The following COL4A4 variants were observed in gnomAD, a reference collection of about 807,000 sequenced individuals.
COL4A4 encodes collagen type IV alpha 4 chain.
COL4A4 carries 105 observed loss-of-function variants against 192.9 expected under a neutral mutation model. The observed-to-expected ratio is 0.54, with a 90% CI of 0.46 to 0.64. The LOEUF is 0.64. Ranked by LOEUF, COL4A4 falls within the 30% of genes least tolerant of loss-of-function variation. COL4A4 has a pLI of 0.00. For synonymous variants in COL4A4, 762 were observed against 769.9 expected (o/e 0.99, Z 0.17); for missense variants, 1,967 against 2,169.3 (o/e 0.91, Z 1.85).
At position 227,027,935 on chromosome 2, in the gene COL4A4, G is replaced by A. The variant is rs1010057124; in HGVS notation, c.4048C>T (p.Pro1350Ser). Reference sequence around the variant, plus strand: ...CCAGTGGGCCCTTTTCTCCCTGGAGGTCCAGGTAAACCCTTCTCTCCAGGT... The same window carrying A: ...CCAGTGGGCCCTTTTCTCCCTGGAGATCCAGGTAAACCCTTCTCTCCAGGT... ...GPPGEKGLPGPPGRKGPTGLP... is the reference protein window; with the variant it reads ...GPPGEKGLPGSPGRKGPTGLP... Residue 1350 changes from proline to serine, a missense_variant, in exon 42 of 48, where the codon CCT (proline) becomes TCT (serine). Pro to Ser is a moderately conservative substitution (Grantham distance 74, BLOSUM62 -1). Coordinates refer to ENST00000396625, the MANE Select transcript of COL4A4 (RefSeq NM_000092.5). 1 of 1,613,800 alleles carries A rather than the reference G, an allele frequency of 6.2e-7. No individual in the cohort carries two copies. The highest frequency in any genetic ancestry group is 1.7e-5 in the Admixed American group (1 of 59,990).
At chr2:227,044,637 C>G (rs954122156) in intron 35 of COL4A4, among the ~76,000 whole-genome samples, 5 of 152,062 alleles carry the variant, frequency 3.3e-5, no homozygotes, top group African/African-American at 4.8e-5. Flanking sequence ...AACTTGTCTC[C>G]TGAATTTTGT....
intron 23 of COL4A4, 25 bp from the exon 24 acceptor site, chr2:227,080,574 T>A: frequency 4.4e-6 from 7 of 1,590,510 alleles, no homozygotes; most frequent in Non-Finnish European, 6.0e-6. Context: ...CAAAAGATAT[T>A]CAAGCTCTTA....
the COL4A4 span, among the ~76,000 whole-genome samples, chr2:226,986,441 A>C: frequency 1.3e-5 from 2 of 152,208 alleles, no homozygotes; most frequent in East Asian, 3.8e-4. Context: ...CTTTTACGTA[A>C]ATTTAAAATT....
intron 31 of COL4A4, among the ~76,000 whole-genome samples, chr2:227,052,816 A>G (rs548556552): frequency 6.6e-6 from 1 of 152,242 alleles, no homozygotes; most frequent in South Asian, 2.1e-4. Context: ...TACTTTCCTT[A>G]TATTAAAAGA....
intron 1 of COL4A4, among the ~76,000 whole-genome samples, chr2:227,163,087 T>C (rs1184451046): frequency 1.3e-5 from 2 of 152,264 alleles, no homozygotes; most frequent in Non-Finnish European, 1.5e-5. Context: ...TCAGCAACAC[T>C]GTTCCAAAGC....
intron 29 of COL4A4, among the ~76,000 whole-genome samples, chr2:227,056,857 A>G (rs7577005): frequency 0.65 from 98,503 of 152,076 alleles, 32,490 homozygotes; most frequent in African/African-American, 0.77. Flanking sequence ...AGGCACACCA[A>G]ATCTGCTGGC....
chr2:227,041,953 G>GA (rs1260879045), intron 37 of COL4A4, among the ~76,000 whole-genome samples, 195 bp downstream of exon 37: 1 of 152,046 alleles, frequency 6.6e-6, no homozygotes, highest in East Asian at 1.9e-4. Context: ...CTCCCTGGTA[G>GA]AAGGCAGGTC....
At chr2:226,988,500 G>A in the COL4A4 span, 1 of 1,530,020 alleles carries the variant, frequency 6.5e-7, no homozygotes, top group Non-Finnish European at 8.8e-7. Flanking sequence ...AAAGACTCAG[G>A]CCTTGCGAGG....
At chr2:227,153,167 C>T (rs1048951275) in intron 1 of COL4A4, among the ~76,000 whole-genome samples, 4 of 152,154 alleles carry the variant, frequency 2.6e-5, no homozygotes, top group African/African-American at 9.7e-5. Flanking sequence ...AAATCACCCC[C>T]ATTGATTCAA....
chr2:227,088,322 A>G (rs891928612), intron 22 of COL4A4, among the ~76,000 whole-genome samples: 4 of 151,912 alleles, frequency 2.6e-5, no homozygotes, highest in Non-Finnish European at 2.9e-5. Context: ...TGAGGGAGGG[A>G]CCTGGTAGAA....
the COL4A4 span, chr2:226,988,310 T>G: frequency 6.5e-7 from 1 of 1,546,358 alleles, no homozygotes; most frequent in African/African-American, 1.4e-5. Context: ...CCTTCCACTG[T>G]GCCCCACCTG....
intron 1 of COL4A4, among the ~76,000 whole-genome samples, chr2:227,156,872 CA>C (rs1179711312): frequency 3.9e-5 from 6 of 152,218 alleles, no homozygotes; most frequent in Non-Finnish European, 8.8e-5. Flanking sequence ...AAAAAATAGA[CA>C]AATCCTAAAA....
rs752857780 is a variant in COL4A4 at position 227,041,838 on chromosome 2, A to AAGAGAAAGAAAG, written c.3505+309_3505+310insCTTTCTTTCTCT. ...AAAGAAAGAAAGAAAGAAAGAAAGA[A>AAGAGAAAGAAAG]AGAAAGAAAGAGAAAGAAAGAAAGA... is the stretch of plus-strand genomic sequence containing the variant. On this transcript the variant is annotated intron_variant, in intron 37 of 47. Coordinates refer to ENST00000396625, the MANE Select transcript of COL4A4 (RefSeq NM_000092.5). Among the ~76,000 whole-genome samples the AAGAGAAAGAAAG allele has an allele frequency of 3.4e-4, 14 of 41,606 alleles. 1 individual carries two copies. The highest frequency in any genetic ancestry group is 0.011 in the Middle Eastern group (1 of 94). The allele number at this position is 41,606 out of a possible 152,430, so 27.3% of individuals were successfully genotyped here.
In COL4A4 at chr2:227,094,385, G is replaced by A. The variant is rs554454779; in HGVS notation, c.1205-96C>T. ...TTGGTACACACTTGCTTAGGTTATC[G>A]AATTTTTTAAAGGGAAAGAGACGGA... On this transcript the variant is annotated intron_variant, in intron 19 of 47. Transcript: ENST00000396625. The A allele has an allele frequency of 2.1e-5, 28 of 1,312,050 alleles. No individual in the cohort carries two copies. In the Admixed American group the frequency reaches 2.5e-4, roughly 12 times the overall value. 81.3% of individuals were successfully genotyped at this position (1,312,050 alleles called of 1,614,324 possible).
chr2:227,060,129 C>CAA lies in COL4A4; in HGVS notation c.2164+6_2164+7insTT. ...AAAAAAAAAAAAAAAAAAAAAACCT[C>CAA]ACTGACCAGGTGGACCTGGTATTTC... is the stretch of plus-strand genomic sequence containing the variant. On this transcript the variant is annotated splice_region_variant and intron_variant, in intron 27 of 47. Coordinates refer to ENST00000396625, the MANE Select transcript of COL4A4 (RefSeq NM_000092.5). 2 of 446,948 alleles carry CAA rather than the reference C, an allele frequency of 4.5e-6. No homozygotes were observed. The highest frequency in any genetic ancestry group is 4.7e-5 in the East Asian group (1 of 21,368). 27.7% of individuals were successfully genotyped at this position (446,948 alleles called of 1,614,324 possible).
intron 8 of COL4A4, among the ~76,000 whole-genome samples, chr2:227,112,728 T>A (rs1576603710): frequency 6.6e-6 from 1 of 152,184 alleles, no homozygotes; most frequent in South Asian, 2.1e-4. Flanking sequence ...TAACTCCCCA[T>A]CCCTCTTCCC....
intron 25 of COL4A4, among the ~76,000 whole-genome samples, chr2:227,066,655 C>T (rs1189616370): frequency 6.7e-6 from 1 of 149,104 alleles, no homozygotes; most frequent in Non-Finnish European, 1.5e-5. Flanking sequence ...ACTTTACAGA[C>T]AAGCAAATGC....
intron 24 of COL4A4, among the ~76,000 whole-genome samples, chr2:227,079,603 C>T (rs1421886566): frequency 6.6e-6 from 1 of 152,158 alleles, no homozygotes; most frequent in Non-Finnish European, 1.5e-5. Context: ...CAGTGGCTTC[C>T]CATTATATAT....
chr2:227,051,960 C>T (rs553474456), intron 32 of COL4A4, among the ~76,000 whole-genome samples: 34 of 152,180 alleles, frequency 2.2e-4, no homozygotes, highest in African/African-American at 7.9e-4. Context: ...GAGGCCGAGG[C>T]GGGTGGATCA....
Sources: allele counts gnomAD v4.1 joint callset (sites outside exome capture counted in the v4.1 genomes callset), GRCh38; gene constraint gnomAD v4.1.1; transcripts MANE v1.5; gene names NCBI Gene and HGNC (gene_info 2026-07-23, HGNC 2026-07-21).